NUP98: variants seen among roughly 807,000 people sequenced by gnomAD.
NUP98 encodes the protein nucleoporin 98 and 96 precursor.
Under a neutral mutation model 191.9 loss-of-function variants are expected in NUP98, and 26 were observed. The observed-to-expected ratio is 0.14, with a 90% CI of 0.10 to 0.19. The LOEUF is 0.19. NUP98 is among the 10% of genes least tolerant of loss of function. The pLI, the probability that NUP98 is intolerant of heterozygous loss-of-function variation, is 1.00. For missense variants in NUP98, 1,941 were observed against 2,178.8 expected, an observed-to-expected ratio of 0.89 and a Z score of 2.17; for synonymous variants, 808 against 778.4, an observed-to-expected ratio of 1.04 and a Z score of -0.63.
intron 8 of NUP98, among the ~76,000 whole-genome samples, chr11:3,767,099 G>A (rs1453678615): frequency 6.6e-6 from 1 of 152,036 alleles, no homozygotes; most frequent in African/African-American, 2.4e-5. Flanking sequence ...TGCGTAGCTT[G>A]GATTAGTCAC....
chr11:3,692,334 AC>A (rs1564810307), intron 27 of NUP98, among the ~76,000 whole-genome samples: 11 of 151,062 alleles, frequency 7.3e-5, no homozygotes, highest in Admixed American at 4.6e-4. Flanking sequence ...AAAAAAAAAA[AC>A]AAAAAAAAAC....
intron 15 of NUP98, among the ~76,000 whole-genome samples, chr11:3,723,944 A>C (rs989225320): frequency 7.2e-5 from 11 of 151,812 alleles, no homozygotes; most frequent in Non-Finnish European, 5.9e-5. Flanking sequence ...CGGATAATCT[A>C]AATGTCCACT....
chr11:3,712,536 T>A, intron 20 of NUP98, 28 bp downstream of exon 20: 1 of 1,611,622 alleles, frequency 6.2e-7, no homozygotes, highest in Non-Finnish European at 8.5e-7. Context: ...ACGGATTCCA[T>A]TCAAATTCAC....
At chr11:3,779,289 T>G in intron 2 of NUP98, 32 bp from the exon 3 acceptor site, 1 of 1,498,350 alleles carries the variant, frequency 6.7e-7, no homozygotes, top group Non-Finnish European at 9.3e-7. Flanking sequence ...TAAATTAGAA[T>G]TTAGAATAAA....
chr11:3,678,782 AT>A (rs2077894886), intron 31 of NUP98, among the ~76,000 whole-genome samples: 1 of 152,162 alleles, frequency 6.6e-6, no homozygotes, highest in Non-Finnish European at 1.5e-5. Flanking sequence ...TTTTTGCACC[AT>A]AAGCAAGCAG....
At chr11:3,725,350 A>G (rs1351626518) in intron 14 of NUP98, 131 bp from the exon 15 acceptor site, 1 of 562,628 alleles carries the variant, frequency 1.8e-6, no homozygotes, top group Non-Finnish European at 3.2e-6. Flanking sequence ...GAATAACCTA[A>G]CAAGTTTCAT....
intron 5 of NUP98, among the ~76,000 whole-genome samples, chr11:3,775,589 G>T (rs1461920510): frequency 6.6e-6 from 1 of 150,720 alleles, no homozygotes; most frequent in East Asian, 1.9e-4. Flanking sequence ...TGACCATTCA[G>T]AAGCAAATTC....
At chr11:3,683,911 A>T (rs1427500280) in intron 29 of NUP98, among the ~76,000 whole-genome samples, 1 of 152,172 alleles carries the variant, frequency 6.6e-6, no homozygotes, top group Non-Finnish European at 1.5e-5. Flanking sequence ...ATTAATTTTT[A>T]AAAATGACAG....
chr11:3,784,579 TAAAAACAAAAA>T (rs1429881346), intron 1 of NUP98, among the ~76,000 whole-genome samples: 1 of 89,336 alleles, frequency 1.1e-5, no homozygotes, highest in Non-Finnish European at 2.4e-5. Flanking sequence ...CTGTCTCTAT[TAAAAACAAAAA>T]AAAAACAAAA....
At chr11:3,721,044 C>T (rs1050170725) in intron 16 of NUP98, 12 of 335,382 alleles carry the variant, frequency 3.6e-5, no homozygotes, top group Admixed American at 1.4e-4. Context: ...GAAGAACATA[C>T]ATATGATACA....
rs58867754 is a variant in NUP98, at chr11:3,753,755, C to CAAAAAAAAAAAAAAAAA, written c.1175-364_1175-348dup. On this transcript the variant is annotated intron_variant, in intron 10 of 32. Transcript: ENST00000324932. ...GTGAAACCCCGTCTCTATAAAAATA[C>CAAAAAAAAAAAAAAAAA]AAAAAAAAAAAAAAAAAAAAAAAAA... 2.0e-4 allele frequency among the ~76,000 whole-genome samples: 2 copies of CAAAAAAAAAAAAAAAAA among 10,174 alleles called. 1 individual carries two copies. The highest frequency in any genetic ancestry group is 3.2e-4 in the Non-Finnish European group (2 of 6,336). The allele number at this position is 10,174 out of a possible 152,430, so 6.7% of individuals were successfully genotyped here.
At chr11:3,795,796 C>A (rs556643091) in intron 1 of NUP98, among the ~76,000 whole-genome samples, 22 of 152,196 alleles carry the variant, frequency 1.4e-4, no homozygotes, top group Non-Finnish European at 2.9e-4. Context: ...GATGCCTGAA[C>A]TGAGAAAATG....
Position 3,754,402 on chromosome 11 carries a change from G to C in NUP98, c.1175-994C>G, listed in dbSNP as rs534984262. Among the ~76,000 whole-genome samples the C allele has an allele frequency of 3.6e-4, 55 of 152,208 alleles. No individual in the cohort carries two copies. The South Asian group carries it at 0.011, about 30-fold the overall frequency. ...GATCGTGCCACTGCACTCTAGCATG[G>C]ATAGAGTGAGACTCTGTTTCAAAAA... On this transcript the variant is annotated intron_variant, in intron 10 of 32. Coordinates refer to ENST00000324932, the MANE Select transcript of NUP98 (RefSeq NM_016320.5).
Position 3,675,291 on chromosome 11 carries a change from TG to T in NUP98, c.*867del, listed in dbSNP as rs1427388742. ...CTCCATGCCTGCCTCAGTCATGGTT[TG>T]TTTTTGCTTCTGGAAGGGGTAGATG... On this transcript the variant is annotated 3_prime_UTR_variant, in exon 33 of 33. Coordinates refer to ENST00000324932, the MANE Select transcript of NUP98 (RefSeq NM_016320.5). The T allele has an allele frequency of 3.2e-5, 7 of 217,516 alleles. No homozygotes were observed. Among genetic ancestry groups the T allele is most frequent in the African/African-American group, 1.6e-4 (7 of 44,364 alleles). 13.5% of individuals were successfully genotyped at this position (217,516 alleles called of 1,614,324 possible). A position where few individuals can be genotyped will look rare whatever the true frequency, so the allele number is the denominator to read the frequency against.
At chr11:3,783,393 CAAAT>C (rs1001560039) in intron 1 of NUP98, among the ~76,000 whole-genome samples, 33 of 152,086 alleles carry the variant, frequency 2.2e-4, no homozygotes, top group African/African-American at 8.0e-4. Context: ...GTCTCAAAAA[CAAAT>C]AAAAAAAACT....
rs34834363 is a variant in NUP98, at chr11:3,736,076, T to TTGTGTG, written c.1409-758_1409-753dup. Among the ~76,000 whole-genome samples the TTGTGTG allele has an allele frequency of 2.1e-3, 275 of 129,544 alleles. 1 individual carries two copies. The highest frequency in any genetic ancestry group is 7.6e-3 in the African/African-American group (252 of 33,016). The allele number at this position is 129,544 out of a possible 152,430, so 85.0% of individuals were successfully genotyped here. Reference sequence around the variant, plus strand: ...GTCACCACACCAACAACAGCTAATTTTGTGTGTGTGTGTGTGTGTGTGTTT... The same window carrying TTGTGTG: ...GTCACCACACCAACAACAGCTAATTTTGTGTGTGTGTGTGTGTGTGTGTGTGTGTTT... On this transcript the variant is annotated intron_variant, in intron 12 of 32. Transcript: ENST00000324932.
In NUP98 at chr11:3,675,959, C is replaced by G. The variant is rs928804973; in HGVS notation, c.*200G>C. ...TGAGGATGGTAAACTGTCTCCTCTT[C>G]TGGGTTCCAGAAGCCCTTATGCTAC... On this transcript the variant is annotated 3_prime_UTR_variant, in exon 33 of 33. Transcript: ENST00000324932. The G allele has an allele frequency of 1.0e-5, 6 of 589,376 alleles. No individual in the cohort carries two copies. The highest frequency in any genetic ancestry group is 1.8e-5 in the Non-Finnish European group (6 of 331,676). 36.5% of individuals were successfully genotyped at this position (589,376 alleles called of 1,614,324 possible).
chr11:3,702,406 A>G (rs570430551), intron 23 of NUP98, 57 bp downstream of exon 23: 1 of 1,355,774 alleles, frequency 7.4e-7, no homozygotes, highest in South Asian at 1.3e-5. Flanking sequence ...CCTCCTGATT[A>G]GTTTTTTTCA....
intron 20 of NUP98, among the ~76,000 whole-genome samples, chr11:3,707,769 A>G (rs1377037216): frequency 7.0e-6 from 1 of 142,224 alleles, no homozygotes; most frequent in Non-Finnish European, 1.5e-5. Context: ...GAAGGAGGAA[A>G]AAGCCCTGGT....
Sources: allele counts gnomAD v4.1 joint callset (sites outside exome capture counted in the v4.1 genomes callset), GRCh38; gene constraint gnomAD v4.1.1; transcripts MANE v1.5; gene names NCBI Gene and HGNC (gene_info 2026-07-23, HGNC 2026-07-21).